ZNF407: variants seen among roughly 807,000 people sequenced by gnomAD.
ZNF407 encodes the protein zinc finger protein 407.
Under a neutral mutation model 131.2 loss-of-function variants are expected in ZNF407, and 17 were observed. That is an observed-to-expected ratio of 0.13 (90% CI 0.09 to 0.19). The LOEUF (loss-of-function observed/expected upper bound fraction) is 0.19. Among genes scored for constraint, ZNF407 ranks in the 10% least tolerant of loss-of-function variants. The pLI is 1.00. For missense variants in ZNF407, 2,681 were observed against 2,830.6 expected, an observed-to-expected ratio of 0.95 and a Z score of 1.20; for synonymous variants, 1,156 against 1,062.0, an observed-to-expected ratio of 1.09 and a Z score of -1.72.
At chr18:74,843,357 G>A (rs1003370656) in intron 4 of ZNF407, among the ~76,000 whole-genome samples, 1 of 152,058 alleles carries the variant, frequency 6.6e-6, no homozygotes, top group Admixed American at 6.5e-5. Flanking sequence ...AGATTACAGA[G>A]TTAAAAATGA....
chr18:74,954,292 A>G (rs1369929611), intron 8 of ZNF407, among the ~76,000 whole-genome samples: 11 of 152,240 alleles, frequency 7.2e-5, no homozygotes, highest in Admixed American at 6.5e-5. Flanking sequence ...ATTATTTTCA[A>G]AATAGATACT....
chr18:74,825,221 C>G (rs1403223683), intron 4 of ZNF407, among the ~76,000 whole-genome samples: 1 of 152,008 alleles, frequency 6.6e-6, no homozygotes, highest in East Asian at 1.9e-4. Flanking sequence ...TATGACAAAC[C>G]AACAGCCATT....
At chr18:74,933,247 G>C (rs979982476) in intron 8 of ZNF407, among the ~76,000 whole-genome samples, 1 of 152,190 alleles carries the variant, frequency 6.6e-6, no homozygotes, top group Non-Finnish European at 1.5e-5. Flanking sequence ...GCTATTACAT[G>C]GATGAACCTT....
intron 8 of ZNF407, among the ~76,000 whole-genome samples, chr18:75,007,158 T>C (rs1476663914): frequency 6.6e-6 from 1 of 152,212 alleles, no homozygotes; most frequent in East Asian, 1.9e-4. Flanking sequence ...TTTGGGAACA[T>C]TTAAGTCAAT....
At chr18:74,723,945 T>TG (rs1243679904) in intron 3 of ZNF407, among the ~76,000 whole-genome samples, 1,242 of 27,906 alleles carry the variant, frequency 0.045, 38 homozygotes, top group Admixed American at 0.26. Context: ...TGGGGCGGGG[T>TG]GGGGGGGGTT....
At chr18:75,009,283 T>C (rs940097994) in intron 8 of ZNF407, among the ~76,000 whole-genome samples, 1 of 152,238 alleles carries the variant, frequency 6.6e-6, no homozygotes, top group Non-Finnish European at 1.5e-5. Context: ...AGGAAAGCTA[T>C]TGACTTTTGT....
At chr18:75,006,153 T>C (rs913647843) in intron 8 of ZNF407, among the ~76,000 whole-genome samples, 3 of 152,186 alleles carry the variant, frequency 2.0e-5, no homozygotes. Flanking sequence ...AGTCCTAATA[T>C]TCTTCCTCTG....
intron 3 of ZNF407, among the ~76,000 whole-genome samples, chr18:74,711,269 G>A (rs1967754942): frequency 6.6e-6 from 1 of 152,092 alleles, no homozygotes; most frequent in African/African-American, 2.4e-5. Flanking sequence ...CTCATCCCCG[G>A]CACCTGTGAC....
chr18:75,037,537 G>A (rs1017373122), intron 8 of ZNF407, among the ~76,000 whole-genome samples: 27 of 152,038 alleles, frequency 1.8e-4, no homozygotes, highest in African/African-American at 6.3e-4. Context: ...TGCCGCCGCC[G>A]AAAATAAAGA....
At chr18:75,049,024 A>G (rs557911747) in intron 8 of ZNF407, among the ~76,000 whole-genome samples, 8 of 143,204 alleles carry the variant, frequency 5.6e-5, no homozygotes, top group Middle Eastern at 3.8e-3. Flanking sequence ...CTTGACAGGA[A>G]ATCTGAGTGG....
intron 3 of ZNF407, among the ~76,000 whole-genome samples, chr18:74,722,752 G>A (rs185870457): frequency 4.5e-4 from 68 of 152,216 alleles, no homozygotes; most frequent in Non-Finnish European, 7.9e-4. Context: ...GCTTTCATTT[G>A]ATTTTCAGAA....
intron 7 of ZNF407, among the ~76,000 whole-genome samples, chr18:74,906,982 TTA>T (rs1468343116): frequency 6.6e-6 from 1 of 152,194 alleles, no homozygotes; most frequent in Non-Finnish European, 1.5e-5. Flanking sequence ...CACACATACT[TTA>T]TGTGTATATG....
chr18:74,662,313 AAAAT>A (rs1395991486), intron 3 of ZNF407, among the ~76,000 whole-genome samples: 1 of 152,200 alleles, frequency 6.6e-6, no homozygotes, highest in Non-Finnish European at 1.5e-5. Flanking sequence ...CTAGGAATAT[AAAAT>A]AAGTAGACAA....
intron 3 of ZNF407, among the ~76,000 whole-genome samples, chr18:74,728,493 A>G (rs1401484425): frequency 2.0e-5 from 3 of 152,256 alleles, no homozygotes; most frequent in East Asian, 1.9e-4. Flanking sequence ...AACTAGCTTT[A>G]CCTGCTTTTT....
chr18:74,684,285 T>C (rs1315130360), intron 3 of ZNF407, among the ~76,000 whole-genome samples: 12 of 152,168 alleles, frequency 7.9e-5, no homozygotes. Flanking sequence ...GAAATCTGTA[T>C]ATATTTGTGT....
intron 3 of ZNF407, among the ~76,000 whole-genome samples, chr18:74,732,990 A>G (rs1023377144): frequency 5.9e-5 from 9 of 152,302 alleles, no homozygotes; most frequent in African/African-American, 2.2e-4. Context: ...TCTAAAAGTT[A>G]AATAAGATTT....
At chr18:74,667,448 A>G (rs1985975638) in intron 3 of ZNF407, among the ~76,000 whole-genome samples, 1 of 152,230 alleles carries the variant, frequency 6.6e-6, no homozygotes, top group Admixed American at 6.5e-5. Flanking sequence ...AATGATAGAC[A>G]GTTTATGGTA....
At chr18:74,637,576 C>T (rs879764146) in intron 2 of ZNF407, among the ~76,000 whole-genome samples, 4 of 151,934 alleles carry the variant, frequency 2.6e-5, no homozygotes, top group Non-Finnish European at 4.4e-5. Flanking sequence ...TACCAAGAGC[C>T]CTGTTCCTGA....
chr18:74,984,676 A>G (rs1972632422), intron 8 of ZNF407, among the ~76,000 whole-genome samples: 1 of 152,202 alleles, frequency 6.6e-6, no homozygotes, highest in African/African-American at 2.4e-5. Context: ...AAAATCCCGT[A>G]TTGTTTCTGA....
Sources: gnomAD v4.1 joint callset for allele counts (sites outside exome capture counted in the v4.1 genomes callset) on GRCh38, gnomAD v4.1.1 for gene constraint, MANE v1.5 for transcripts, NCBI Gene and HGNC (gene_info 2026-07-23, HGNC 2026-07-21) for gene names.